Variants in HNRNPH1 observed in about 807,000 individuals in gnomAD.
HNRNPH1 encodes heterogeneous nuclear ribonucleoprotein H.
A neutral mutation model predicts 58.6 loss-of-function variants in HNRNPH1; 4 were observed. That is an observed-to-expected ratio of 0.07 (90% CI 0.03 to 0.16). The LOEUF (loss-of-function observed/expected upper bound fraction) is 0.16, where lower values mean the gene tolerates loss of function less well. Among genes scored for constraint, HNRNPH1 ranks in the 10% least tolerant of loss-of-function variants. The pLI, the probability that HNRNPH1 is intolerant of heterozygous loss-of-function variation, is 1.00. For synonymous variants in HNRNPH1, 192 were observed against 189.2 expected (o/e 1.01, Z -0.12); for missense variants, 271 against 564.2 (o/e 0.48, Z 5.26).
At chr5:179,622,596 A>C (rs1044163536) in intron 1 of HNRNPH1, among the ~76,000 whole-genome samples, 1 of 152,216 alleles carries the variant, frequency 6.6e-6, no homozygotes, top group African/African-American at 2.4e-5. Context: ...CTCTAGTCCC[A>C]GACACTCGGG....
At chr5:179,618,523 A>T in intron 4 of HNRNPH1, 200 bp from the exon 6 acceptor site, 4 of 236,334 alleles carry the variant, frequency 1.7e-5, no homozygotes, top group Non-Finnish European at 1.6e-5. Context: ...AACTTTATAG[A>T]AAAAAAAAAA....
chr5:179,618,206 C>A (rs755807706), exon 5 of HNRNPH1: 4 of 1,614,176 alleles, frequency 2.5e-6, no homozygotes, highest in Non-Finnish European at 2.5e-6. Flanking sequence ...TGCTGTTATA[C>A]CCTCTACCAG....
At chr5:179,618,407 A>C in intron 4 of HNRNPH1, 84 bp from the exon 6 acceptor site, 1 of 932,378 alleles carries the variant, frequency 1.1e-6, no homozygotes, top group Non-Finnish European at 1.6e-6. Flanking sequence ...TATACAAGAA[A>C]ACAATCTAGT....
rs1366010189 is a variant in HNRNPH1, at chr5:179,621,046, T to C, written c.254-11A>G. ...TGTTTGACTTGAATACTGAAAGAGG[T>C]GCTTAGAATTAGTCACTTTTGGAAA... On this transcript the variant is annotated splice_polypyrimidine_tract_variant and intron_variant, in intron 2 of 12. Coordinates refer to ENST00000356731, the Ensembl canonical transcript of HNRNPH1. 1 of 1,612,022 alleles carries C rather than the reference T, an allele frequency of 6.2e-7. No homozygotes were observed. The highest frequency in any genetic ancestry group is 1.3e-5 in the African/African-American group (1 of 74,858).
At position 179,623,175 on chromosome 5, in the gene HNRNPH1, G is replaced by A; in HGVS notation, c.-42C>T. On this transcript the variant is annotated 5_prime_UTR_variant, in exon 1 of 13. Coordinates refer to ENST00000356731, the Ensembl canonical transcript of HNRNPH1. Reference sequence around the variant, plus strand: ...CGGCGTCGAAACAAACTGCAAAGCGGGGAGGACCAGAACTGAGAGCGCCAA... The same window carrying A: ...CGGCGTCGAAACAAACTGCAAAGCGAGGAGGACCAGAACTGAGAGCGCCAA... 1 of 1,455,870 alleles carries A rather than the reference G, an allele frequency of 6.9e-7. No homozygotes were observed. The highest frequency in any genetic ancestry group is 1.1e-5 in the South Asian group (1 of 88,300). 90.2% of individuals were successfully genotyped at this position (1,455,870 alleles called of 1,614,324 possible).
upstream of HNRNPH1, among the ~76,000 whole-genome samples, chr5:179,626,806 C>T (rs1774442354): frequency 7.0e-6 from 1 of 143,680 alleles, no homozygotes; most frequent in African/African-American, 2.6e-5. Flanking sequence ...GACGGAGTCT[C>T]GCTCTGTCGC....
At chr5:179,625,487 C>CAAAAAA (rs36011321), upstream of HNRNPH1, among the ~76,000 whole-genome samples, 2 of 86,320 alleles carry the variant, frequency 2.3e-5, no homozygotes, top group East Asian at 6.7e-4. Flanking sequence ...GACTCCCTCT[C>CAAAAAA]AAAAAAAAAA....
At chr5:179,619,133 C>CA in intron 4 of HNRNPH1, 136 bp downstream of exon 5, 1 of 778,264 alleles carries the variant, frequency 1.3e-6, no homozygotes, top group Non-Finnish European at 2.0e-6. Context: ...GGGACTGACA[C>CA]AAGTTTGGAA....
chr5:179,616,733 C>G (rs1769915968), intron 10 of HNRNPH1, 136 bp downstream of exon 11: 1 of 739,888 alleles, frequency 1.4e-6, no homozygotes, highest in Non-Finnish European at 2.2e-6. Context: ...AAGCCAGATA[C>G]AAAACTCAAA....
chr5:179,623,245 C>T (rs1351663537), exon 1 of HNRNPH1: 3 of 674,458 alleles, frequency 4.4e-6, no homozygotes, highest in Non-Finnish European at 7.4e-6. Flanking sequence ...CCCGCACCGC[C>T]CCCCCACGGA....
chr5:179,620,036 T>C (rs908606515), intron 3 of HNRNPH1: 3 of 152,194 alleles, frequency 2.0e-5, no homozygotes, highest in African/African-American at 7.2e-5. Flanking sequence ...TAAAGCACTT[T>C]CCTAGAAGAT....
chr5:179,615,112 T>A, intron 12 of HNRNPH1, 153 bp from the exon 14 acceptor site: 1 of 611,632 alleles, frequency 1.6e-6, no homozygotes, highest in Admixed American at 2.5e-5. Context: ...GAATCCCGAC[T>A]CCAAACAAGC....
At chr5:179,617,161 G>A (rs765687322) in intron 8 of HNRNPH1, 51 bp from the exon 10 acceptor site, 7 of 1,539,192 alleles carry the variant, frequency 4.5e-6, no homozygotes, top group Admixed American at 1.7e-5. Context: ...AAACAAAACA[G>A]AATAAGCACT....
At chr5:179,628,622 C>T (rs1774569677), upstream of HNRNPH1, among the ~76,000 whole-genome samples, 1 of 152,116 alleles carries the variant, frequency 6.6e-6, no homozygotes, top group African/African-American at 2.4e-5. Flanking sequence ...TGAGCCACCG[C>T]ACCTGGCCAG....
At position 179,617,683 on chromosome 5, in the gene HNRNPH1, ACTTT is replaced by A. The variant is rs946971913; in HGVS notation, c.922-38_922-35del. On this transcript the variant is annotated intron_variant, in intron 7 of 12. Coordinates refer to ENST00000356731, the Ensembl canonical transcript of HNRNPH1. ...CAAGGCATTTCAAAGAATTCAACCAACTTTCTAACGTTACAAAAAAAACCTAAAA... is the reference window on the plus strand; with the variant it reads ...CAAGGCATTTCAAAGAATTCAACCAACTAACGTTACAAAAAAAACCTAAAA... 11 of 1,607,782 alleles carry A rather than the reference ACTTT, an allele frequency of 6.8e-6. No individual in the cohort carries two copies. In the East Asian group the frequency reaches 1.3e-4, roughly 20 times the overall value.
exon 3 of HNRNPH1, chr5:179,620,963 T>C (rs868803469): frequency 4.3e-6 from 7 of 1,614,030 alleles, no homozygotes; most frequent in Non-Finnish European, 3.4e-6. Context: ...AAAGCCATCA[T>C]TGGCCGTGTC....
chr5:179,620,209 G>A (rs993001091), intron 3 of HNRNPH1, among the ~76,000 whole-genome samples: 1 of 152,178 alleles, frequency 6.6e-6, no homozygotes, highest in Admixed American at 6.5e-5. Context: ...TGCTTCCAGC[G>A]TATCACATCA....
chr5:179,621,355 T>C (rs1285487046), exon 2 of HNRNPH1: 8 of 1,614,004 alleles, frequency 5.0e-6, no homozygotes, highest in Non-Finnish European at 5.9e-6. Context: ...TTCTCTGGTG[T>C]AGATGAAACG....
rs1376049252 is a variant in HNRNPH1 at position 179,621,410 on chromosome 5, C to T, written c.98-13G>A. On this transcript the variant is annotated splice_polypyrimidine_tract_variant and intron_variant, in intron 1 of 12. Transcript: ENST00000356731. ...TGAATTTTGCAGTCTGGAAAGAAAA[C>T]AACCGTTAATACAGAATTTAAAACC... 2 of 1,611,474 alleles carry T rather than the reference C, an allele frequency of 1.2e-6. No homozygotes were observed. The highest frequency in any genetic ancestry group is 1.1e-5 in the South Asian group (1 of 90,672).
Sources: allele counts gnomAD v4.1 joint callset (sites outside exome capture counted in the v4.1 genomes callset), GRCh38; gene constraint gnomAD v4.1.1; transcripts MANE v1.5; gene names NCBI Gene and HGNC (gene_info 2026-07-23, HGNC 2026-07-21).